ENPP3: variants seen among roughly 807,000 people sequenced by gnomAD.
ENPP3 encodes ectonucleotide pyrophosphatase/phosphodiesterase family member 3.
In ENPP3, 104 loss-of-function variants were observed where a neutral mutation model predicts 117.8. That is an observed-to-expected ratio of 0.88 (90% confidence interval 0.75 to 1.04). ENPP3 has a LOEUF of 1.04. Among genes scored for constraint, ENPP3 ranks in the 50% least tolerant of loss-of-function variants. The pLI is 0.00. For missense variants in ENPP3, 1,026 were observed against 1,051.9 expected, an observed-to-expected ratio of 0.98 and a Z score of 0.34; for synonymous variants, 380 against 349.9, an observed-to-expected ratio of 1.09 and a Z score of -0.96.
At chr6:131,667,963 C>T (rs1778652337) in intron 6 of ENPP3, among the ~76,000 whole-genome samples, 2 of 152,004 alleles carry the variant, frequency 1.3e-5, no homozygotes, top group Admixed American at 1.3e-4. Flanking sequence ...GCTTATTATT[C>T]TTTATTTTTT....
At chr6:131,661,828 T>A (rs1239866234) in intron 6 of ENPP3, among the ~76,000 whole-genome samples, 12 of 152,222 alleles carry the variant, frequency 7.9e-5, no homozygotes, top group Admixed American at 3.9e-4. Context: ...TTGAAAGTGT[T>A]TTCCCCCATT....
intron 15 of ENPP3, among the ~76,000 whole-genome samples, chr6:131,699,289 C>A (rs1779478877): frequency 1.4e-5 from 2 of 138,296 alleles, no homozygotes; most frequent in Admixed American, 7.4e-5. Flanking sequence ...AGTTTTATAT[C>A]TAACATGATA....
rs757078032 is a variant in ENPP3, at chr6:131,650,058, A to G, written c.186A>G (p.Ser62=). Residue 62 remains serine (S), a synonymous_variant, in exon 3 of 25, where the codon TCA becomes TCG. Transcript: ENST00000357639. ...GCAGGAAGAAGTGCTTTGATGCATC[A>G]TTTAGAGGACTGGAGAACTGCCGGT... ...GSCRKKCFDA[S]FRGLENCRCD... is the part of the protein sequence containing the mutation. 47 of 1,613,892 alleles carry G rather than the reference A, an allele frequency of 2.9e-5. No individual in the cohort carries two copies. The highest frequency in any genetic ancestry group is 3.7e-5 in the Non-Finnish European group (44 of 1,179,964).
Position 131,701,310 on chromosome 6 carries a change from G to C in ENPP3, c.1412+7686G>C, listed in dbSNP as rs540213561. ...CAGCAGGGTGAAGACGTAGAACAGG[G>C]AGAAGAGCCCAAAGAGGAGCATCTG... On this transcript the variant is annotated intron_variant, in intron 15 of 24. Transcript: ENST00000357639. 1.8e-5 allele frequency: 29 copies of C among 1,605,538 alleles called. No individual in the cohort carries two copies. The East Asian group carries it at 6.0e-4, about 33-fold the overall frequency.
chr6:131,725,052 TACA>T (rs1780124420), intron 19 of ENPP3, among the ~76,000 whole-genome samples: 1 of 56,314 alleles, frequency 1.8e-5, no homozygotes, highest in African/African-American at 8.5e-5. Flanking sequence ...CTACTAAAAA[TACA>T]AAAAAAAAAA....
Position 131,658,409 on chromosome 6 carries a change from T to C in ENPP3, c.551T>C (p.Ile184Thr). ...ACATGGGATACTTTAATGCCAAATA[T>C]CAATAAACTGAGTAAGTCTTCTGTA... ...LYTWDTLMPN[I>T]NKLKTCGIHS... The change falls in exon 6 of 25, where the codon ATC (isoleucine) becomes ACC (threonine). Residue 184 changes from isoleucine to threonine, a missense_variant. Transcript: ENST00000357639. 2 of 1,530,420 alleles carry C rather than the reference T, an allele frequency of 1.3e-6. No individual in the cohort carries two copies. Among genetic ancestry groups the C allele is most frequent in the Non-Finnish European group, 9.1e-7 (1 of 1,104,088 alleles). 94.8% of individuals were successfully genotyped at this position (1,530,420 alleles called of 1,614,324 possible).
In ENPP3 at chr6:131,671,263, A is replaced by G; in HGVS notation, c.578A>G (p.His193Arg). 6.3e-7 allele frequency: 1 copy of G among 1,595,548 alleles called. No homozygotes were observed. Among genetic ancestry groups the G allele is most frequent in the South Asian group, 1.1e-5 (1 of 90,310 alleles). ...TCTGTTGCAGAAACATGTGGAATTCATTCAAAATACATGAGAGCTATGTAT... is the reference window on the plus strand; with the variant it reads ...TCTGTTGCAGAAACATGTGGAATTCGTTCAAAATACATGAGAGCTATGTAT... The part of the protein sequence containing the change: ...NINKLKTCGI[H>R]SKYMRAMYPT... The change falls in exon 7 of 25, where the codon CAT (histidine) becomes CGT (arginine). Residue 193 changes from histidine (H) to arginine (R), a missense_variant. Coordinates refer to ENST00000357639, the MANE Select transcript of ENPP3 (RefSeq NM_005021.5).
chr6:131,700,606 G>C (rs1377973088), intron 15 of ENPP3: 1 of 1,551,648 alleles, frequency 6.4e-7, no homozygotes, highest in South Asian at 1.2e-5. Context: ...TGCTCCTTGG[G>C]GTTCCCATAT....
rs1778339135 is a variant in ENPP3 at position 131,654,411 on chromosome 6, G to A, written c.464+1520G>A. On this transcript the variant is annotated intron_variant, in intron 5 of 24. Transcript: ENST00000357639. ...CTGCCTTGGCTTCCCAAAATGGTGG[G>A]ATAACAGGCATGAACTACTGTGCTG... Among the ~76,000 whole-genome samples the A allele has an allele frequency of 1.3e-5, 2 of 152,080 alleles. 1 individual carries two copies. The highest frequency in any genetic ancestry group is 4.1e-4 in the South Asian group (2 of 4,824).
At chr6:131,707,102 C>CTATT (rs1779658671) in intron 15 of ENPP3, among the ~76,000 whole-genome samples, 1 of 149,690 alleles carries the variant, frequency 6.7e-6, no homozygotes, top group African/African-American at 2.5e-5. Flanking sequence ...ATTATGAATT[C>CTATT]TATTTTCTTA....
chr6:131,641,799 G>GTTTTTTTTTTTTTTTTTTTTTT lies in ENPP3; in HGVS notation c.154+272_154+293dup, dbSNP rs540011427. 9.4e-4 allele frequency among the ~76,000 whole-genome samples: 60 copies of GTTTTTTTTTTTTTTTTTTTTTT among 64,062 alleles called. 4 individuals carry two copies. Among genetic ancestry groups the GTTTTTTTTTTTTTTTTTTTTTT allele is most frequent in the East Asian group, 3.0e-3 (4 of 1,330 alleles). The allele number at this position is 64,062 out of a possible 152,430, so 42.0% of individuals were successfully genotyped here. A position where few individuals can be genotyped will look rare whatever the true frequency, so the allele number is the denominator to read the frequency against. The stretch of plus-strand genomic sequence containing the variant: ...TTTTCTCTTACCTTTCTCCACCCTG[G>GTTTTTTTTTTTTTTTTTTTTTT]TTTTTTTTTTTTTTTTTTTTTTTTG... On this transcript the variant is annotated intron_variant, in intron 2 of 24. Transcript: ENST00000357639.
chr6:131,744,802 T>TACACACAC (rs72401502), intron 24 of ENPP3, among the ~76,000 whole-genome samples: 282 of 146,866 alleles, frequency 1.9e-3, no homozygotes, highest in African/African-American at 6.6e-3. Flanking sequence ...AGGTCATTTA[T>TACACACAC]ACACACACAC....
intron 12 of ENPP3, among the ~76,000 whole-genome samples, chr6:131,684,596 T>C (rs1404724236): frequency 6.6e-6 from 1 of 151,792 alleles, no homozygotes; most frequent in Non-Finnish European, 1.5e-5. Flanking sequence ...GGAGAATCAC[T>C]TGAACCCGGG....
In ENPP3 at chr6:131,652,652, A is replaced by T. The variant is rs986542036; in HGVS notation, c.388A>T (p.Lys130Ter). 1 of 1,614,034 alleles carries T rather than the reference A, an allele frequency of 6.2e-7. No individual in the cohort carries two copies. Among genetic ancestry groups the T allele is most frequent in the Admixed American group, 1.7e-5 (1 of 60,000 alleles). The change falls in exon 4 of 25, where the codon AAG (lysine) becomes TAG (stop). Residue 130 changes from lysine (K) to a stop codon, truncating the protein, a stop_gained. Transcript: ENST00000357639. LOFTEE classifies it high-confidence loss of function. ...GAGGAAAGATTGCTGTGCTGACTATAAGAGTGTTTGCCAAGGTGAGCAGGA... is the reference window on the plus strand; with the variant it reads ...GAGGAAAGATTGCTGTGCTGACTATTAGAGTGTTTGCCAAGGTGAGCAGGA... The part of the protein sequence containing the change: ...LQRKDCCADY[K>*]SVCQGETSWL...
At chr6:131,694,559 A>T (rs1270847276) in intron 15 of ENPP3, among the ~76,000 whole-genome samples, 1 of 152,142 alleles carries the variant, frequency 6.6e-6, no homozygotes, top group Non-Finnish European at 1.5e-5. Context: ...TGGCTAAGAG[A>T]TATGTTTGAC....
chr6:131,674,676 A>G (rs1047286552), intron 8 of ENPP3, among the ~76,000 whole-genome samples: 12 of 150,826 alleles, frequency 8.0e-5, no homozygotes, highest in African/African-American at 2.7e-4. Context: ...AGGTTCAAGC[A>G]CTTCTGCCTC....
At chr6:131,675,394 C>CT (rs2114388251) in intron 9 of ENPP3, 1 of 526,898 alleles carries the variant, frequency 1.9e-6, no homozygotes, top group East Asian at 3.2e-5. Flanking sequence ...AGCCTGAGAA[C>CT]TTTTTATTAC....
At chr6:131,740,828 C>T (rs190343940) in intron 24 of ENPP3, among the ~76,000 whole-genome samples, 162 of 152,222 alleles carry the variant, frequency 1.1e-3, no homozygotes, top group African/African-American at 3.8e-3. Flanking sequence ...CACTCAAAGT[C>T]CTCTCTTCTA....
At chr6:131,638,192 C>T (rs1018181282) in intron 1 of ENPP3, among the ~76,000 whole-genome samples, 1 of 152,094 alleles carries the variant, frequency 6.6e-6, no homozygotes, top group Non-Finnish European at 1.5e-5. Flanking sequence ...TCCTCCTCGT[C>T]CTTCATCCAC....
Sources: allele counts gnomAD v4.1 joint callset (sites outside exome capture counted in the v4.1 genomes callset), GRCh38; gene constraint gnomAD v4.1.1; transcripts MANE v1.5; gene names NCBI Gene and HGNC (gene_info 2026-07-23, HGNC 2026-07-21).